Variants in CHM observed in about 807,000 individuals in gnomAD.
The protein encoded by CHM is rab proteins geranylgeranyltransferase component A 1.
Under a neutral mutation model 49.0 loss-of-function variants are expected in CHM, and 10 were observed. The ratio of observed to expected loss-of-function variants is 0.20; its 90% CI spans 0.13 to 0.35. CHM has a LOEUF of 0.35. CHM is among the 10% of genes least tolerant of loss of function. CHM has a pLI of 1.00. For missense variants in CHM, 455 were observed against 478.4 expected (o/e 0.95, Z 0.46); for synonymous variants, 184 against 167.5 (o/e 1.10, Z -0.76).
At chrX:85,917,789 T>A (rs1927542512) in intron 8 of CHM, among the ~76,000 whole-genome samples, 1 of 94,703 alleles carries the variant, frequency 1.1e-5, no homozygotes, top group Non-Finnish European at 2.1e-5. Flanking sequence ...AATAACAAAA[T>A]AAACCAATCT....
chrX:86,043,813 C>T (rs1229805436), intron 1 of CHM, among the ~76,000 whole-genome samples: 2 of 110,045 alleles, frequency 1.8e-5, no homozygotes, highest in African/African-American at 6.6e-5. Flanking sequence ...CTGCAACCTC[C>T]GCCTTCCAGG....
intron 8 of CHM, among the ~76,000 whole-genome samples, chrX:85,933,773 TC>T (rs1928576737): frequency 8.9e-6 from 1 of 112,000 alleles, no homozygotes; most frequent in South Asian, 3.7e-4. Context: ...GAATCATTTT[TC>T]TTTTAAAAAC....
At chrX:85,869,847 G>A (rs1031995703) in intron 14 of CHM, among the ~76,000 whole-genome samples, 2 of 112,301 alleles carry the variant, frequency 1.8e-5, no homozygotes, top group African/African-American at 6.5e-5. Flanking sequence ...TAAAACATTG[G>A]AAAGGGCTAA....
chrX:85,911,483 T>C, intron 8 of CHM, 145 bp from the exon 9 acceptor site: 1 of 263,211 alleles, frequency 3.8e-6, no homozygotes, highest in African/African-American at 2.8e-5. Flanking sequence ...ATCATAGTAT[T>C]AAAAATCTCT....
chrX:86,028,553 TAA>T (rs1569258376), intron 1 of CHM, among the ~76,000 whole-genome samples: 1 of 111,654 alleles, frequency 9.0e-6, no homozygotes, highest in East Asian at 2.8e-4. Flanking sequence ...CTGATTATCA[TAA>T]AAAGACATAT....
intron 9 of CHM, among the ~76,000 whole-genome samples, chrX:85,909,966 T>A (rs1265428178): frequency 8.9e-6 from 1 of 111,922 alleles, no homozygotes; most frequent in Non-Finnish European, 1.9e-5. Context: ...TCTTCATGAA[T>A]CAAGATGTTA....
At chrX:85,911,147 A>ATATATATG (rs1569409859) in intron 9 of CHM, 114 bp downstream of exon 9, 4 of 17,141 alleles carry the variant, frequency 2.3e-4, no homozygotes, top group African/African-American at 1.5e-3. Flanking sequence ...ATATATATAT[A>ATATATATG]TATATATATA....
chrX:85,939,830 C>T (rs1929001700), intron 8 of CHM, among the ~76,000 whole-genome samples: 1 of 112,239 alleles, frequency 8.9e-6, no homozygotes, highest in East Asian at 2.8e-4. Context: ...AATGCCAACA[C>T]ATCTAAAACT....
chrX:85,937,878 A>G (rs1017001922), intron 8 of CHM, among the ~76,000 whole-genome samples: 2 of 109,977 alleles, frequency 1.8e-5, no homozygotes, highest in Non-Finnish European at 1.9e-5. Context: ...CTGTATCCAC[A>G]CCATAGGAAA....
intron 8 of CHM, among the ~76,000 whole-genome samples, chrX:85,945,309 T>G (rs1929342232): frequency 9.2e-6 from 1 of 109,222 alleles, no homozygotes; most frequent in Admixed American, 9.9e-5. Flanking sequence ...TAGGGCCTGG[T>G]GGGAAGTGAC....
At chrX:85,870,877 G>A (rs1273263229) in intron 14 of CHM, among the ~76,000 whole-genome samples, 4 of 110,898 alleles carry the variant, frequency 3.6e-5, no homozygotes, top group African/African-American at 1.3e-4. Flanking sequence ...TTATGTTTTC[G>A]GTGCATCTTC....
At chrX:86,036,850 C>G (rs1185062523) in intron 1 of CHM, among the ~76,000 whole-genome samples, 1 of 111,306 alleles carries the variant, frequency 9.0e-6, no homozygotes, top group African/African-American at 3.3e-5. Flanking sequence ...GTCCTCATTA[C>G]AGAGAAAACA....
chrX:85,934,478 C>T (rs1251467044), intron 8 of CHM, among the ~76,000 whole-genome samples: 1 of 87,748 alleles, frequency 1.1e-5, no homozygotes, highest in African/African-American at 4.2e-5. Flanking sequence ...CTGTGTCCAT[C>T]CTGTGTCCAA....
At chrX:85,930,984 T>C (rs1160834238) in intron 8 of CHM, among the ~76,000 whole-genome samples, 1 of 111,709 alleles carries the variant, frequency 9.0e-6, no homozygotes. Context: ...TTGAGCAATA[T>C]GAAAGAGCTC....
rs371743786 is a variant in CHM at position 86,001,560 on chromosome X, C to A, written c.117-19751G>T. Among the ~76,000 whole-genome samples, 10 of 111,024 alleles carry A rather than the reference C, an allele frequency of 9.0e-5. No individual in the cohort carries two copies. In the East Asian group the frequency reaches 2.3e-3, roughly 25 times the overall value. On this transcript the variant is annotated intron_variant, in intron 2 of 14. Coordinates refer to ENST00000357749, the MANE Select transcript of CHM (RefSeq NM_000390.4). ...CGGCAGAAGGTGAAGGGAAAGCAGG[C>A]ACCATGCATGATGAGAGTGGAAGCA... is the stretch of plus-strand genomic sequence containing the variant.
At chrX:85,910,210 C>T (rs1385549317) in intron 9 of CHM, among the ~76,000 whole-genome samples, 1 of 111,619 alleles carries the variant, frequency 9.0e-6, no homozygotes, top group Non-Finnish European at 1.9e-5. Context: ...TTCACTACAA[C>T]TAGTCTATAA....
chrX:86,042,731 G>A (rs1190246819), intron 1 of CHM, among the ~76,000 whole-genome samples: 1 of 110,568 alleles, frequency 9.0e-6, no homozygotes, highest in African/African-American at 3.3e-5. Flanking sequence ...TCTGAGGTGG[G>A]AGGATTGCTT....
intron 11 of CHM, among the ~76,000 whole-genome samples, chrX:85,895,260 C>G (rs1925755355): frequency 9.4e-6 from 1 of 106,579 alleles, no homozygotes; most frequent in Non-Finnish European, 1.9e-5. Flanking sequence ...CTCAGCCTCC[C>G]AAGTAGCTAG....
At chrX:86,035,048 GAGA>G (rs1457291473) in intron 1 of CHM, among the ~76,000 whole-genome samples, 1 of 111,453 alleles carries the variant, frequency 9.0e-6, no homozygotes, top group East Asian at 2.8e-4. Context: ...GCAAAGGAAA[GAGA>G]AGGTCTAGAC....
Sources: gnomAD v4.1 joint callset for allele counts (sites outside exome capture counted in the v4.1 genomes callset) on GRCh38, gnomAD v4.1.1 for gene constraint, MANE v1.5 for transcripts, NCBI Gene and HGNC (gene_info 2026-07-23, HGNC 2026-07-21) for gene names.